The following A1CF variants were observed in gnomAD, a reference collection of about 807,000 sequenced individuals.
The protein encoded by A1CF is APOBEC-1 stimulating protein.
Under a neutral mutation model 68.9 loss-of-function variants are expected in A1CF, and 48 were observed. The ratio of observed to expected loss-of-function variants is 0.70; its 90% CI spans 0.55 to 0.89. The LOEUF is 0.89. A1CF is among the 40% of genes least tolerant of loss of function. A1CF has a pLI of 0.00. For missense variants in A1CF, 653 were observed against 718.9 expected, an observed-to-expected ratio of 0.91 and a Z score of 1.05; for synonymous variants, 272 against 260.4, an observed-to-expected ratio of 1.04 and a Z score of -0.43.
chr10:50,873,825 T>C (rs1257233866), intron 1 of A1CF, among the ~76,000 whole-genome samples: 1 of 151,728 alleles, frequency 6.6e-6, no homozygotes, highest in East Asian at 1.9e-4. Context: ...ACTGGAAAAA[T>C]TGCACTGTAA....
At chr10:50,879,216 G>T (rs1841660482) in intron 1 of A1CF, among the ~76,000 whole-genome samples, 1 of 152,174 alleles carries the variant, frequency 6.6e-6, no homozygotes, top group Non-Finnish European at 1.5e-5. Flanking sequence ...AATTAGGTCA[G>T]TTTAAATATG....
rs1837748222 is a variant in A1CF, at chr10:50,804,839, T to C, written c.*1890A>G. 6.6e-6 allele frequency: 1 copy of C among 152,178 alleles called. No homozygotes were observed. The highest frequency in any genetic ancestry group is 1.5e-5 in the Non-Finnish European group (1 of 68,030). 9.4% of individuals were successfully genotyped at this position (152,178 alleles called of 1,614,324 possible). A position where few individuals can be genotyped will look rare whatever the true frequency, so the allele number is the denominator to read the frequency against. ...AGCAATTCCCAAACCTAGGTGCACA[T>C]TGAAATCACCTAGGGATCATTAAAA... On this transcript the variant is annotated 3_prime_UTR_variant, in exon 13 of 13. Coordinates refer to ENST00000373997, the MANE Select transcript of A1CF (RefSeq NM_014576.4).
In A1CF at chr10:50,810,921, T is replaced by A. The variant is rs1312314254; in HGVS notation, c.1460+119A>T. ...CCAACTACACATCTCAATATTTGCA[T>A]TGAATGACAAATGAGTAGGTAGTAG... On this transcript the variant is annotated intron_variant, in intron 11 of 12. Coordinates refer to ENST00000373997, the MANE Select transcript of A1CF (RefSeq NM_014576.4). 5.2e-6 allele frequency: 6 copies of A among 1,164,678 alleles called. No individual in the cohort carries two copies. In the East Asian group the frequency reaches 1.6e-4, roughly 31 times the overall value. 72.1% of individuals were successfully genotyped at this position (1,164,678 alleles called of 1,614,324 possible).
intron 7 of A1CF, chr10:50,823,347 A>G (rs755686264): frequency 6.6e-6 from 1 of 152,190 alleles, no homozygotes; most frequent in Non-Finnish European, 1.5e-5. Flanking sequence ...GGGTGAGTCC[A>G]TAGAATATGA....
intron 3 of A1CF, among the ~76,000 whole-genome samples, chr10:50,849,599 A>T (rs1448738338): frequency 1.3e-5 from 2 of 152,170 alleles, no homozygotes; most frequent in Non-Finnish European, 2.9e-5. Flanking sequence ...GTGTTTCTCA[A>T]AATATGTGAG....
At position 50,809,952 on chromosome 10, in the gene A1CF, G is replaced by A. The variant is rs369205510; in HGVS notation, c.1551C>T (p.Pro517=). The A allele has an allele frequency of 6.2e-7, 1 of 1,614,058 alleles. No individual in the cohort carries two copies. Among genetic ancestry groups the A allele is most frequent in the Non-Finnish European group, 8.5e-7 (1 of 1,179,938 alleles). Residue 517 remains proline, a synonymous_variant, in exon 12 of 13, where the codon CCC becomes CCT. Transcript: ENST00000373997. ...AEYTLQTLGI[P]TDGGDGTMAT... is the part of the protein sequence containing the mutation. Reference sequence around the variant, plus strand: ...CCATGGTGCCATCGCCTCCATCAGTGGGGATGCCCAGGGTCTGCAGGGTGT... The same window carrying A: ...CCATGGTGCCATCGCCTCCATCAGTAGGGATGCCCAGGGTCTGCAGGGTGT...
intron 3 of A1CF, chr10:50,850,721 G>A (rs1840201276): frequency 6.2e-7 from 1 of 1,613,930 alleles, no homozygotes; most frequent in Admixed American, 1.7e-5. Context: ...CCTTTTTTGA[G>A]GCCAGGAATT....
rs1837527926 is a variant in A1CF at position 50,799,796 on chromosome 10, G to A, written c.*6933C>T. 1 of 152,106 alleles carries A rather than the reference G, an allele frequency of 6.6e-6. No individual in the cohort carries two copies. Among genetic ancestry groups the A allele is most frequent in the African/African-American group, 2.4e-5 (1 of 41,436 alleles). 9.4% of individuals were successfully genotyped at this position (152,106 alleles called of 1,614,324 possible). A position where few individuals can be genotyped will look rare whatever the true frequency, so the allele number is the denominator to read the frequency against. ...CTGGAAACTATAAATGCATTTTGCT[G>A]ACAGCTTGCTTTTCATTAAGATATA... On this transcript the variant is annotated 3_prime_UTR_variant, in exon 13 of 13. Transcript: ENST00000373997.
chr10:50,811,084 CAAG>C lies in A1CF; in HGVS notation c.1413_1415del (p.Phe471del). The C allele has an allele frequency of 6.2e-7, 1 of 1,613,492 alleles. No individual in the cohort carries two copies. Among genetic ancestry groups the C allele is most frequent in the Non-Finnish European group, 8.5e-7 (1 of 1,179,658 alleles). ...CTAGAGCAGGAATAGTTATTTTGTA[CAAG>C]AATAGCTGTCTTTGGTCTTGTCCAA... On this transcript the variant is annotated inframe_deletion, in exon 11 of 13. Transcript: ENST00000373997.
rs114057064 is a variant in A1CF, at chr10:50,839,525, G to A, written c.365+2337C>T. On this transcript the variant is annotated intron_variant, in intron 5 of 12. Transcript: ENST00000373997. ...GATGCTCAAAGAGGTTAAAGCATTC[G>A]TCCAAAGGAACCTGGGCTGGACCCC... 5.2e-3 allele frequency among the ~76,000 whole-genome samples: 786 copies of A among 152,296 alleles called. 8 individuals carry two copies. Among genetic ancestry groups the A allele is most frequent in the African/African-American group, 0.018 (769 of 41,570 alleles).
chr10:50,860,107 A>G, intron 2 of A1CF, 122 bp from the exon 3 acceptor site: 1 of 602,818 alleles, frequency 1.7e-6, no homozygotes, highest in Non-Finnish European at 2.9e-6. Flanking sequence ...TAGAGCAACT[A>G]AGAGTTACAT....
At chr10:50,823,026 C>T (rs147851180) in intron 7 of A1CF, 7 of 152,242 alleles carry the variant, frequency 4.6e-5, no homozygotes, top group African/African-American at 1.7e-4. Context: ...TCAGTTAATT[C>T]ACATCCCAAC....
intron 1 of A1CF, among the ~76,000 whole-genome samples, chr10:50,875,312 G>A (rs187850459): frequency 6.6e-6 from 1 of 152,154 alleles, no homozygotes; most frequent in Admixed American, 6.5e-5. Flanking sequence ...ACTAAATTCT[G>A]GCTCAAATGG....
At chr10:50,833,559 A>G (rs1312130832) in intron 6 of A1CF, among the ~76,000 whole-genome samples, 1 of 152,154 alleles carries the variant, frequency 6.6e-6, no homozygotes, top group Non-Finnish European at 1.5e-5. Context: ...TTAGACAACT[A>G]TTGTCTCTCT....
At chr10:50,815,347 T>C (rs1278226190) in intron 9 of A1CF, among the ~76,000 whole-genome samples, 1 of 152,222 alleles carries the variant, frequency 6.6e-6, no homozygotes, top group Non-Finnish European at 1.5e-5. Context: ...AGGATTCAAA[T>C]GTGAAATATT....
At chr10:50,841,102 C>A (rs986121324) in intron 5 of A1CF, among the ~76,000 whole-genome samples, 1 of 152,158 alleles carries the variant, frequency 6.6e-6, no homozygotes, top group Non-Finnish European at 1.5e-5. Flanking sequence ...CATTCTCAAC[C>A]AAACAGCAGA....
chr10:50,809,221 C>G (rs1053189745), intron 12 of A1CF, among the ~76,000 whole-genome samples: 19 of 152,066 alleles, frequency 1.2e-4, no homozygotes, highest in Admixed American at 3.3e-4. Flanking sequence ...TCAGCATATG[C>G]CCCAGACCAA....
chr10:50,841,831 T>G (rs1188437074), intron 5 of A1CF, 31 bp downstream of exon 5: 3 of 1,609,364 alleles, frequency 1.9e-6, no homozygotes, highest in Non-Finnish European at 1.7e-6. Flanking sequence ...ATTGTTTGTT[T>G]CACTTTTAAT....
Position 50,833,502 on chromosome 10 carries a change from C to A in A1CF, c.604+2572G>T, listed in dbSNP as rs115175508. ...GGTGAGATTTCTCAAGGGGGAACTGCCACTGTTTAGAGAGGAGGTAAGTGA... is the reference window on the plus strand; with the variant it reads ...GGTGAGATTTCTCAAGGGGGAACTGACACTGTTTAGAGAGGAGGTAAGTGA... On this transcript the variant is annotated intron_variant, in intron 6 of 12. Transcript: ENST00000373997. 1.3e-3 allele frequency among the ~76,000 whole-genome samples: 200 copies of A among 152,292 alleles called. 1 individual carries two copies. Among genetic ancestry groups the A allele is most frequent in the African/African-American group, 4.5e-3 (189 of 41,566 alleles).
Sources: allele counts gnomAD v4.1 joint callset (sites outside exome capture counted in the v4.1 genomes callset), GRCh38; gene constraint gnomAD v4.1.1; transcripts MANE v1.5; gene names NCBI Gene and HGNC (gene_info 2026-07-23, HGNC 2026-07-21).